CACNG7: variants seen among roughly 807,000 people sequenced by gnomAD.
CACNG7 encodes calcium voltage-gated channel auxiliary subunit gamma 7.
A neutral mutation model predicts 26.3 loss-of-function variants in CACNG7; 9 were observed. That is an observed-to-expected ratio of 0.34 (90% CI 0.21 to 0.60). CACNG7 has a LOEUF of 0.60. Among genes scored for constraint, CACNG7 ranks in the 20% least tolerant of loss-of-function variants. The pLI, the probability that CACNG7 is intolerant of heterozygous loss-of-function variation, is 0.81. For missense variants in CACNG7, 297 were observed against 380.4 expected, an observed-to-expected ratio of 0.78 and a Z score of 1.82; for synonymous variants, 170 against 157.0, an observed-to-expected ratio of 1.08 and a Z score of -0.62.
chr19:53,922,786 G>C (rs1296277743), intron 4 of CACNG7, among the ~76,000 whole-genome samples: 1 of 55,564 alleles, frequency 1.8e-5, no homozygotes, highest in Non-Finnish European at 3.1e-5. Context: ...GCTCGTCATT[G>C]GTGGAGTTGC....
intron 4 of CACNG7, among the ~76,000 whole-genome samples, chr19:53,938,116 G>A (rs1328633657): frequency 1.3e-5 from 2 of 152,050 alleles, no homozygotes; most frequent in East Asian, 3.9e-4. Context: ...GGAGGCCAAG[G>A]TGGAAGAACT....
Position 53,931,923 on chromosome 19 carries a change from G to A in CACNG7, c.425-9547G>A, listed in dbSNP as rs964220448. On this transcript the variant is annotated intron_variant, in intron 4 of 5. Transcript: ENST00000391767. ...ACTACAGGCGGCCACCACCACGCCC[G>A]GCTAATTTTTTCTATTTTTAGTAGA... 1.4e-4 allele frequency among the ~76,000 whole-genome samples: 21 copies of A among 150,890 alleles called. No homozygotes were observed. In the East Asian group the frequency reaches 1.8e-3, roughly 13 times the overall value.
chr19:53,914,715 G>A, intron 3 of CACNG7, 129 bp downstream of exon 3: 2 of 784,490 alleles, frequency 2.5e-6, no homozygotes, highest in South Asian at 3.2e-5. Flanking sequence ...AAAGAAGGCA[G>A]AATGGGCCAG....
intron 4 of CACNG7, 149 bp from the exon 5 acceptor site, chr19:53,941,321 C>T: frequency 1.2e-6 from 1 of 827,094 alleles, no homozygotes; most frequent in Non-Finnish European, 1.8e-6. Context: ...TCTGGGCTCC[C>T]TGCACCCAAC....
chr19:53,926,324 A>C (rs537700120), intron 4 of CACNG7, among the ~76,000 whole-genome samples: 1 of 151,940 alleles, frequency 6.6e-6, no homozygotes, highest in South Asian at 2.1e-4. Context: ...CTTCAGCCAC[A>C]CTGGCCTCAT....
Position 53,939,731 on chromosome 19 carries a change from C to T in CACNG7, c.425-1739C>T, listed in dbSNP as rs984301650. On this transcript the variant is annotated intron_variant, in intron 4 of 5. Transcript: ENST00000391767. This position sits in a 1 kb window ranked among gnomAD's most constrained non-coding sequence, Gnocchi z 4.2. ...TTGGCTATTACGCATAACGCTGTTA[C>T]AAACATCCGTGTATGCGTTTTTGTA... Among the ~76,000 whole-genome samples the T allele has an allele frequency of 2.6e-5, 4 of 152,132 alleles. No homozygotes were observed. The highest frequency in any genetic ancestry group is 9.7e-5 in the African/African-American group (4 of 41,416).
rs2069145404 is a variant in CACNG7 at position 53,942,515 on chromosome 19, C to G, written c.*222C>G. ...CGACCTCTCCTTTTCATTGGTCCCT[C>G]TCACTCCCAAATGACTCCTCCCCTT... On this transcript the variant is annotated 3_prime_UTR_variant, in exon 6 of 6. Coordinates refer to ENST00000391767, the MANE Select transcript of CACNG7 (RefSeq NM_031896.5). The surrounding 1 kb of genome is among the most constrained non-coding windows in gnomAD (Gnocchi z 5.9). 7.1e-7 allele frequency: 1 copy of G among 1,415,020 alleles called. No homozygotes were observed. Among genetic ancestry groups the G allele is most frequent in the African/African-American group, 1.4e-5 (1 of 69,294 alleles). The allele number at this position is 1,415,020 out of a possible 1,614,324, so 87.7% of individuals were successfully genotyped here.
chr19:53,927,327 G>A (rs2069038650), intron 4 of CACNG7, among the ~76,000 whole-genome samples: 1 of 152,192 alleles, frequency 6.6e-6, no homozygotes, highest in African/African-American at 2.4e-5. Context: ...AGGGCAGAAG[G>A]GATGAGTGAC....
chr19:53,932,711 C>T (rs1427377276), intron 4 of CACNG7, among the ~76,000 whole-genome samples: 1 of 151,988 alleles, frequency 6.6e-6, no homozygotes, highest in East Asian at 1.9e-4. Flanking sequence ...TTTTTTCTGG[C>T]CATTTATTTT....
intron 4 of CACNG7, among the ~76,000 whole-genome samples, chr19:53,918,502 A>G (rs913618561): frequency 3.3e-5 from 5 of 152,188 alleles, no homozygotes; most frequent in Non-Finnish European, 7.3e-5. Flanking sequence ...AATAATAGGT[A>G]AAAATCCTGC....
At chr19:53,915,021 T>A (rs535972993) in intron 3 of CACNG7, among the ~76,000 whole-genome samples, 7,250 of 99,124 alleles carry the variant, frequency 0.073, 468 homozygotes, top group African/African-American at 0.17. Flanking sequence ...AAAAAATAAA[T>A]AAAAGGAAGG....
At chr19:53,924,636 G>T (rs1354431389) in intron 4 of CACNG7, among the ~76,000 whole-genome samples, 1 of 143,314 alleles carries the variant, frequency 7.0e-6, no homozygotes, top group Non-Finnish European at 1.5e-5. Flanking sequence ...CTTGCCCCAG[G>T]CTGGTCATTG....
rs1451789526 is a variant in CACNG7, at chr19:53,912,403, G to T, written c.-29-400G>T. ...GCAGGTGAGGTTAGGTTTTGGCAGG[G>T]GGACCTGGTTCTGGGGTTAAGAAGC... On this transcript the variant is annotated intron_variant, in intron 1 of 5. Coordinates refer to ENST00000391767, the MANE Select transcript of CACNG7 (RefSeq NM_031896.5). The surrounding 1 kb of genome is among the most constrained non-coding windows in gnomAD (Gnocchi z 4.6). 6.6e-6 allele frequency among the ~76,000 whole-genome samples: 1 copy of T among 152,198 alleles called. No homozygotes were observed. Among genetic ancestry groups the T allele is most frequent in the South Asian group, 2.1e-4 (1 of 4,832 alleles).
At position 53,912,796 on chromosome 19, in the gene CACNG7, T is replaced by G; in HGVS notation, c.-29-7T>G. The G allele has an allele frequency of 1.9e-6, 3 of 1,606,122 alleles. No individual in the cohort carries two copies. Among genetic ancestry groups the G allele is most frequent in the South Asian group, 1.1e-5 (1 of 90,954 alleles). On this transcript the variant is annotated splice_polypyrimidine_tract_variant and splice_region_variant and intron_variant, in intron 1 of 5. Transcript: ENST00000391767. The surrounding 1 kb of genome is among the most constrained non-coding windows in gnomAD (Gnocchi z 4.6). ...TGGAGCTCTGCACTGTAGCTTCCCT[T>G]CCACAGGCCCCGCAGGGCGCCCCCT...
chr19:53,912,828 G>A lies in CACNG7; in HGVS notation c.-4G>A. The A allele has an allele frequency of 3.7e-6, 6 of 1,611,528 alleles. No homozygotes were observed. The highest frequency in any genetic ancestry group is 5.1e-6 in the Non-Finnish European group (6 of 1,179,926). ...GCCCCGCAGGGCGCCCCCTGCCTCT[G>A]AGGATGAGTCACTGCAGCAGCCGCG... On this transcript the variant is annotated 5_prime_UTR_variant, in exon 2 of 6. Coordinates refer to ENST00000391767, the MANE Select transcript of CACNG7 (RefSeq NM_031896.5). This position sits in a 1 kb window ranked among gnomAD's most constrained non-coding sequence, Gnocchi z 4.6.
intron 4 of CACNG7, among the ~76,000 whole-genome samples, chr19:53,932,800 T>G (rs975115773): frequency 2.0e-5 from 3 of 152,062 alleles, no homozygotes; most frequent in African/African-American, 7.2e-5. Flanking sequence ...TCGTTTAATA[T>G]GTTCATCTAT....
chr19:53,940,783 G>A lies in CACNG7; in HGVS notation c.425-687G>A, dbSNP rs1165051070. 2.6e-5 allele frequency among the ~76,000 whole-genome samples: 4 copies of A among 152,000 alleles called. No homozygotes were observed. Among genetic ancestry groups the A allele is most frequent in the South Asian group, 2.1e-4 (1 of 4,822 alleles). On this transcript the variant is annotated intron_variant, in intron 4 of 5. Coordinates refer to ENST00000391767, the MANE Select transcript of CACNG7 (RefSeq NM_031896.5). The surrounding 1 kb of genome is among the most constrained non-coding windows in gnomAD (Gnocchi z 4.1). ...GGCCTCATCCTTTAAGGCCGGGCGC[G>A]GTGGCTCAAACCTGTAATCTTAGCA... is the stretch of plus-strand genomic sequence containing the variant.
intron 4 of CACNG7, among the ~76,000 whole-genome samples, chr19:53,921,902 TC>T (rs1402153470): frequency 5.6e-5 from 4 of 71,564 alleles, no homozygotes; most frequent in Non-Finnish European, 7.6e-5. Flanking sequence ...GGTGGAGTTG[TC>T]CCCAGGTCTG....
intron 4 of CACNG7, among the ~76,000 whole-genome samples, chr19:53,916,298 T>G (rs1266860440): frequency 6.6e-6 from 1 of 152,114 alleles, no homozygotes; most frequent in Non-Finnish European, 1.5e-5. Context: ...TCTCCTAACA[T>G]CGCTACCCAG....
Sources: allele counts gnomAD v4.1 joint callset (sites outside exome capture counted in the v4.1 genomes callset), GRCh38; gene constraint gnomAD v4.1.1; non-coding constraint Gnocchi (gnomAD v3.1); transcripts MANE v1.5; gene names NCBI Gene and HGNC (gene_info 2026-07-23, HGNC 2026-07-21).